Variants in CBR4 observed in about 807,000 individuals in gnomAD.
CBR4 encodes 3-oxoacyl-[acyl-carrier-protein] reductase.
A neutral mutation model predicts 21.0 loss-of-function variants in CBR4; 22 were observed. That is an observed-to-expected ratio of 1.05 (90% CI 0.75 to 1.50). The LOEUF is 1.50. Among genes scored for constraint, CBR4 ranks in the 40% most tolerant of loss-of-function variants. The probability of loss-of-function intolerance (pLI) is 0.00; values close to 1 mark genes in which losing one functional copy is unlikely to be tolerated. For synonymous variants in CBR4, 100 were observed against 104.4 expected (o/e 0.96, Z 0.26); for missense variants, 302 against 286.3 (o/e 1.05, Z -0.40).
At chr4:168,952,400 T>A (rs1358842380) in intron 2 of CBR4, among the ~76,000 whole-genome samples, 1 of 152,208 alleles carries the variant, frequency 6.6e-6, no homozygotes, top group Non-Finnish European at 1.5e-5. Flanking sequence ...ACTAACCTCC[T>A]GAATGCTTTC....
intron 2 of CBR4, chr4:168,924,824 T>C (rs1405781437): frequency 2.1e-6 from 2 of 946,420 alleles, no homozygotes; most frequent in Non-Finnish European, 3.4e-6. Context: ...AGAATAAGTA[T>C]GACCCTATTA....
At chr4:168,976,443 G>A (rs1474217145) in intron 2 of CBR4, among the ~76,000 whole-genome samples, 3 of 152,216 alleles carry the variant, frequency 2.0e-5, no homozygotes, top group East Asian at 3.9e-4. Flanking sequence ...GCGTGCAGGT[G>A]GGCTGAGTCT....
intron 2 of CBR4, among the ~76,000 whole-genome samples, chr4:168,918,383 GACA>G (rs1760704171): frequency 6.6e-6 from 1 of 151,740 alleles, no homozygotes; most frequent in Non-Finnish European, 1.5e-5. Context: ...CTGTCATTGT[GACA>G]ACATGGATGA....
At chr4:168,921,224 A>G (rs1761422297) in intron 2 of CBR4, among the ~76,000 whole-genome samples, 2 of 151,852 alleles carry the variant, frequency 1.3e-5, no homozygotes, top group African/African-American at 4.8e-5. Flanking sequence ...CGGCCAACAT[A>G]GTGAAACCCT....
At chr4:168,939,388 A>G (rs2126674871) in intron 2 of CBR4, among the ~76,000 whole-genome samples, 1 of 152,354 alleles carries the variant, frequency 6.6e-6, no homozygotes, top group South Asian at 2.1e-4. Flanking sequence ...AAACCGGCAC[A>G]AGACAAGAAC....
intron 3 of CBR4, among the ~76,000 whole-genome samples, chr4:169,003,744 T>C (rs1730656652): frequency 6.6e-6 from 1 of 152,162 alleles, no homozygotes; most frequent in Non-Finnish European, 1.5e-5. Context: ...GTGGCACATA[T>C]ACACCATGGA....
At chr4:169,009,186 A>C (rs1275829450) in intron 1 of CBR4, 1 of 394,858 alleles carries the variant, frequency 2.5e-6, no homozygotes, top group Non-Finnish European at 4.9e-6. Flanking sequence ...CTGGTGATTA[A>C]ACAAATAGCA....
At chr4:168,973,300 TA>T (rs1189306242) in intron 2 of CBR4, among the ~76,000 whole-genome samples, 1 of 152,176 alleles carries the variant, frequency 6.6e-6, no homozygotes, top group Admixed American at 6.5e-5. Context: ...TAGAATGATT[TA>T]GGGAGGATTC....
At chr4:168,948,638 T>A (rs1763459093) in intron 2 of CBR4, among the ~76,000 whole-genome samples, 1 of 152,178 alleles carries the variant, frequency 6.6e-6, no homozygotes, top group Non-Finnish European at 1.5e-5. Context: ...TTCCCCACTT[T>A]GTTTTTGTGT....
chr4:168,898,243 G>T, intron 2 of CBR4: 1 of 529,410 alleles, frequency 1.9e-6, no homozygotes, highest in Non-Finnish European at 3.4e-6. Context: ...GAGAAAAGAA[G>T]GAAAAAAAAA....
intron 2 of CBR4, among the ~76,000 whole-genome samples, chr4:168,930,556 T>C (rs1401303321): frequency 6.6e-6 from 1 of 152,178 alleles, no homozygotes. Context: ...GACTAGAGGT[T>C]CCTGGCATTC....
chr4:168,958,551 A>G (rs1310571293), intron 2 of CBR4, among the ~76,000 whole-genome samples: 1 of 152,232 alleles, frequency 6.6e-6, no homozygotes, highest in Non-Finnish European at 1.5e-5. Context: ...TTGTGTGAAC[A>G]CGTATTTTTA....
rs1351896066 is a variant in CBR4, at chr4:168,990,152, A to G, written c.712T>C (p.Ter238GlnextTer28). 15 of 1,593,494 alleles carry G rather than the reference A, an allele frequency of 9.4e-6. No homozygotes were observed. The highest frequency in any genetic ancestry group is 1.4e-5 in the African/African-American group (1 of 73,768). ...CCTATAACTGAATAATCTGCAAATT[A>G]CAAAATGAGTTGTAATCCCCCATCC... The part of the protein sequence containing the change: ...VVDGGLQLIL[*>Q] Residue 238 changes from the stop codon to glutamine (Q), a stop_lost, in exon 5 of 5, where the codon TAA becomes CAA. Coordinates refer to ENST00000306193, the MANE Select transcript of CBR4 (RefSeq NM_032783.5).
At chr4:168,952,801 C>A (rs1763578463) in intron 2 of CBR4, among the ~76,000 whole-genome samples, 1 of 152,162 alleles carries the variant, frequency 6.6e-6, no homozygotes, top group Non-Finnish European at 1.5e-5. Context: ...GATACCAGCA[C>A]CTGTTCCGGT....
intron 2 of CBR4, among the ~76,000 whole-genome samples, chr4:168,952,130 G>C (rs1222863487): frequency 1.3e-5 from 2 of 151,914 alleles, no homozygotes; most frequent in African/African-American, 4.8e-5. Flanking sequence ...TTTTTTCTTT[G>C]TCTTTGTTGG....
chr4:169,007,379 T>G (rs1340981590), intron 2 of CBR4, among the ~76,000 whole-genome samples: 1 of 152,202 alleles, frequency 6.6e-6, no homozygotes, highest in African/African-American at 2.4e-5. Flanking sequence ...GAGAAGACAC[T>G]ACCTTCTGGA....
intron 2 of CBR4, among the ~76,000 whole-genome samples, chr4:168,896,208 C>CAAAA (rs35567491): frequency 7.6e-6 from 1 of 132,202 alleles, no homozygotes. Context: ...GACTCCATCT[C>CAAAA]AAAAAAAAAA....
chr4:168,898,573 A>G (rs1755776632), intron 2 of CBR4: 2 of 1,613,590 alleles, frequency 1.2e-6, no homozygotes, highest in East Asian at 2.2e-5. Flanking sequence ...TGGATGAATC[A>G]GGTGATGAAG....
intron 2 of CBR4, among the ~76,000 whole-genome samples, chr4:168,936,486 C>A (rs560870551): frequency 6.6e-6 from 1 of 152,010 alleles, no homozygotes. Flanking sequence ...CAAACTCCTC[C>A]GAGCTGAAGG....
Sources: gnomAD v4.1 joint callset for allele counts (sites outside exome capture counted in the v4.1 genomes callset) on GRCh38, gnomAD v4.1.1 for gene constraint, MANE v1.5 for transcripts, NCBI Gene and HGNC (gene_info 2026-07-23, HGNC 2026-07-21) for gene names.